Variants in PCDHGB5 observed in about 807,000 individuals in gnomAD.
PCDHGB5 encodes protocadherin gamma-B5.
PCDHGB5 carries 48 observed loss-of-function variants against 62.9 expected under a neutral mutation model. The ratio of observed to expected loss-of-function variants is 0.76; its 90% CI spans 0.61 to 0.97. PCDHGB5 has a LOEUF of 0.97. PCDHGB5 is among the 50% of genes least tolerant of loss of function. The probability of loss-of-function intolerance (pLI) is 0.00; values close to 1 mark genes in which losing one functional copy is unlikely to be tolerated. For missense variants in PCDHGB5, 1,118 were observed against 1,198.6 expected (o/e 0.93, Z 0.99); for synonymous variants, 474 against 511.2 (o/e 0.93, Z 0.98).
chr5:141,404,109 TCCAGGAGAATCTATCTTTTA>T, intron 1 of PCDHGB5: 1 of 1,613,518 alleles, frequency 6.2e-7, no homozygotes, highest in East Asian at 2.2e-5. Flanking sequence ...GTCTGTTCTA[TCCAGGAGAATCTATCTTTTA>T]CATTAGAAAA....
intron 1 of PCDHGB5, chr5:141,427,892 C>A (rs752723370): frequency 9.9e-5 from 155 of 1,567,044 alleles, no homozygotes; most frequent in Non-Finnish European, 1.3e-4. Context: ...ACGACCAGGG[C>A]TCGCCCGCGC....
chr5:141,446,854 C>T (rs1474444931), intron 1 of PCDHGB5, among the ~76,000 whole-genome samples: 1 of 152,134 alleles, frequency 6.6e-6, no homozygotes, highest in Non-Finnish European at 1.5e-5. Context: ...AATAAGCTTC[C>T]TGATAGCTCT....
chr5:141,401,356 G>A (rs1274587222), intron 1 of PCDHGB5, among the ~76,000 whole-genome samples: 1 of 152,070 alleles, frequency 6.6e-6, no homozygotes, highest in Non-Finnish European at 1.5e-5. Flanking sequence ...AAAAAGGAAG[G>A]AGAAGGAGAG....
At position 141,477,290 on chromosome 5, in the gene PCDHGB5, C is replaced by T; in HGVS notation, c.2398-17517C>T. 5 of 1,614,158 alleles carry T rather than the reference C, an allele frequency of 3.1e-6. No individual in the cohort carries two copies. In the South Asian group the frequency reaches 5.5e-5, roughly 18 times the overall value. On this transcript the variant is annotated intron_variant, in intron 1 of 3. Coordinates refer to ENST00000617380, the MANE Select transcript of PCDHGB5 (RefSeq NM_018925.3). The surrounding 1 kb of genome is among the most constrained non-coding windows in gnomAD (Gnocchi z 4.9). ...GAACGGGCTGGTGACCTGCGAAGTT[C>T]CACCGGGTCTCCCTTTCAGCCTTAC...
Position 141,431,478 on chromosome 5 carries a change from C to T in PCDHGB5, c.2397+30954C>T, listed in dbSNP as rs1163422580. On this transcript the variant is annotated intron_variant, in intron 1 of 3. Coordinates refer to ENST00000617380, the MANE Select transcript of PCDHGB5 (RefSeq NM_018925.3). The surrounding 1 kb of genome is among the most constrained non-coding windows in gnomAD (Gnocchi z 4.8). ...GTTCTGGATGCGAACGACAACGCAC[C>T]AGCGTTTGCTCAGCCCGAGTACCGC... The T allele has an allele frequency of 6.2e-7, 1 of 1,613,748 alleles. No individual in the cohort carries two copies. The highest frequency in any genetic ancestry group is 8.5e-7 in the Non-Finnish European group (1 of 1,179,976).
At position 141,485,348 on chromosome 5, in the gene PCDHGB5, C is replaced by A; in HGVS notation, c.2398-9459C>A. ...AGATTTCCTGCTGGATACGGACAGT[C>A]TGTCAGCTCGCAGGCTGCAGGTCGC... On this transcript the variant is annotated intron_variant, in intron 1 of 3. Coordinates refer to ENST00000617380, the MANE Select transcript of PCDHGB5 (RefSeq NM_018925.3). This position sits in a 1 kb window ranked among gnomAD's most constrained non-coding sequence, Gnocchi z 5.7. 6.2e-7 allele frequency: 1 copy of A among 1,614,146 alleles called. No individual in the cohort carries two copies. Among genetic ancestry groups the A allele is most frequent in the Non-Finnish European group, 8.5e-7 (1 of 1,180,008 alleles).
Position 141,413,755 on chromosome 5 carries a change from A to T in PCDHGB5, c.2397+13231A>T, listed in dbSNP as rs199577406. On this transcript the variant is annotated intron_variant, in intron 1 of 3. Transcript: ENST00000617380. ...AGTTCAGAGCCGTGCCAATGGCGTC[A>T]AGTACCCGGAGCTGGTACTGGAGCA... 1.6e-4 allele frequency: 266 copies of T among 1,612,936 alleles called. 3 individuals carry two copies. In the South Asian group the frequency reaches 2.3e-3, roughly 14 times the overall value.
chr5:141,443,217 G>A (rs1447455858), intron 1 of PCDHGB5, among the ~76,000 whole-genome samples: 8 of 151,656 alleles, frequency 5.3e-5, no homozygotes, highest in African/African-American at 2.4e-5. Flanking sequence ...CTCGCCAGGC[G>A]CATCTATAAT....
chr5:141,478,210 A>G, intron 1 of PCDHGB5: 1 of 1,614,064 alleles, frequency 6.2e-7, no homozygotes, highest in East Asian at 2.2e-5. Flanking sequence ...TTCTTTCTCT[A>G]ATCCTGGTTT....
intron 1 of PCDHGB5, chr5:141,402,790 A>G: frequency 1.0e-6 from 1 of 961,364 alleles, no homozygotes; most frequent in Non-Finnish European, 1.5e-6. Flanking sequence ...TTCTGCGGCT[A>G]CACAAAACCC....
Position 141,485,931 on chromosome 5 carries a change from A to C in PCDHGB5, c.2398-8876A>C, listed in dbSNP as rs761979804. 3 of 1,614,192 alleles carry C rather than the reference A, an allele frequency of 1.9e-6. No individual in the cohort carries two copies. In the South Asian group the frequency reaches 3.3e-5, roughly 18 times the overall value. On this transcript the variant is annotated intron_variant, in intron 1 of 3. Transcript: ENST00000617380. This position sits in a 1 kb window ranked among gnomAD's most constrained non-coding sequence, Gnocchi z 5.7. Reference sequence around the variant, plus strand: ...TCCAGCTACAGGATTAGTGTGTTGGAGAGCGCACCAGCGGGCATGGTGCTC... The same window carrying C: ...TCCAGCTACAGGATTAGTGTGTTGGCGAGCGCACCAGCGGGCATGGTGCTC...
Position 141,485,400 on chromosome 5 carries a change from G to A in PCDHGB5, c.2398-9407G>A. On this transcript the variant is annotated intron_variant, in intron 1 of 3. Transcript: ENST00000617380. The surrounding 1 kb of genome is among the most constrained non-coding windows in gnomAD (Gnocchi z 5.7). ...GGAGAGGTGAACCAAAGACACTTCC[G>A]TGTGGATTTGGACAGCGGAGCCCTG... is the stretch of plus-strand genomic sequence containing the variant. The A allele has an allele frequency of 6.2e-7, 1 of 1,614,076 alleles. No homozygotes were observed. The highest frequency in any genetic ancestry group is 8.5e-7 in the Non-Finnish European group (1 of 1,179,948).
chr5:141,475,862 T>G, intron 1 of PCDHGB5: 1 of 492,756 alleles, frequency 2.0e-6, no homozygotes, highest in Non-Finnish European at 3.6e-6. Context: ...GCTAGCTCAT[T>G]CTTCGTGCAG....
At chr5:141,433,358 C>CCTGCCTAT (rs1554125966) in intron 1 of PCDHGB5, 1 of 498,106 alleles carries the variant, frequency 2.0e-6, no homozygotes, top group Non-Finnish European at 3.5e-6. Flanking sequence ...CTACTGTCTG[C>CCTGCCTAT]CTATCTATCT....
chr5:141,486,444 T>G lies in PCDHGB5; in HGVS notation c.2398-8363T>G. 1 of 1,614,086 alleles carries G rather than the reference T, an allele frequency of 6.2e-7. No homozygotes were observed. Among genetic ancestry groups the G allele is most frequent in the Non-Finnish European group, 8.5e-7 (1 of 1,179,930 alleles). ...GAGGCCAAATCTAGCTATGACATCA[T>G]GGTCACTGCTTCTGATGCTGGGAAC... On this transcript the variant is annotated intron_variant, in intron 1 of 3. Coordinates refer to ENST00000617380, the MANE Select transcript of PCDHGB5 (RefSeq NM_018925.3). The surrounding 1 kb of genome is among the most constrained non-coding windows in gnomAD (Gnocchi z 5.0).
At chr5:141,481,919 A>C (rs1488201177) in intron 1 of PCDHGB5, among the ~76,000 whole-genome samples, 1 of 151,214 alleles carries the variant, frequency 6.6e-6, no homozygotes, top group Non-Finnish European at 1.5e-5. Context: ...ATCTCAAAAA[A>C]AAAAAAAAAA....
chr5:141,458,421 G>T (rs1294502132), intron 1 of PCDHGB5, among the ~76,000 whole-genome samples: 1 of 152,114 alleles, frequency 6.6e-6, no homozygotes, highest in African/African-American at 2.4e-5. Context: ...GGGTTCCAAA[G>T]CTGAAAGAGG....
At chr5:141,470,034 C>T (rs1209263598) in intron 1 of PCDHGB5, among the ~76,000 whole-genome samples, 2 of 152,086 alleles carry the variant, frequency 1.3e-5, no homozygotes, top group Non-Finnish European at 2.9e-5. Flanking sequence ...GATGCTGAGG[C>T]GCGAGAACTG....
chr5:141,507,849 C>CA (rs2099864208), intron 3 of PCDHGB5, among the ~76,000 whole-genome samples: 1 of 152,222 alleles, frequency 6.6e-6, no homozygotes, highest in African/African-American at 2.4e-5. Flanking sequence ...GCCCTGCTCT[C>CA]ACTTTCACAC....
Sources: allele counts gnomAD v4.1 joint callset (sites outside exome capture counted in the v4.1 genomes callset), GRCh38; gene constraint gnomAD v4.1.1; non-coding constraint Gnocchi (gnomAD v3.1); transcripts MANE v1.5; gene names NCBI Gene and HGNC (gene_info 2026-07-23, HGNC 2026-07-21).